Variants in TRAM2 observed in about 807,000 individuals in gnomAD.
The protein encoded by TRAM2 is translocation associated membrane protein 2.
TRAM2 carries 12 observed loss-of-function variants against 51.0 expected under a neutral mutation model. The ratio of observed to expected loss-of-function variants is 0.24; its 90% CI spans 0.15 to 0.38. TRAM2 has a LOEUF of 0.38. Among genes scored for constraint, TRAM2 ranks in the 10% least tolerant of loss-of-function variants. The pLI is 1.00. For synonymous variants in TRAM2, 175 were observed against 179.4 expected (o/e 0.98, Z 0.20); for missense variants, 361 against 462.0 (o/e 0.78, Z 2.00).
rs1272899305 is a variant in TRAM2 at position 52,498,350 on chromosome 6, C to T, written c.*4847G>A. The T allele has an allele frequency of 4.6e-5, 7 of 152,434 alleles. No homozygotes were observed. The highest frequency in any genetic ancestry group is 1.2e-4 in the African/African-American group (5 of 41,354). The allele number at this position is 152,434 out of a possible 1,614,324, so 9.4% of individuals were successfully genotyped here. ...ACAAGGTAACACTGAATTAGGAGCT[C>T]GAACAGTTCTGCAACAGTCAGACAT... On this transcript the variant is annotated 3_prime_UTR_variant, in exon 11 of 11. Coordinates refer to ENST00000182527, the MANE Select transcript of TRAM2 (RefSeq NM_012288.4).
intron 5 of TRAM2, among the ~76,000 whole-genome samples, chr6:52,508,823 C>G (rs1468874943): frequency 6.6e-6 from 1 of 152,146 alleles, no homozygotes; most frequent in African/African-American, 2.4e-5. Context: ...CACCTGAAGT[C>G]AGGAGTTTGA....
intron 2 of TRAM2, among the ~76,000 whole-genome samples, chr6:52,535,508 C>A (rs1766963676): frequency 6.6e-6 from 1 of 152,040 alleles, no homozygotes; most frequent in South Asian, 2.1e-4. Context: ...TGGTGAAATT[C>A]CTTCACTACT....
chr6:52,529,409 G>A (rs1040397866), intron 2 of TRAM2: 3 of 133,906 alleles, frequency 2.2e-5, no homozygotes, highest in African/African-American at 8.7e-5. Flanking sequence ...AAAGCCTAGA[G>A]ATTTTCGCCC....
chr6:52,543,249 T>C (rs2114092180), intron 1 of TRAM2, among the ~76,000 whole-genome samples: 1 of 152,340 alleles, frequency 6.6e-6, no homozygotes, highest in Non-Finnish European at 1.5e-5. Flanking sequence ...CACACCCACC[T>C]GCCCCCACCA....
intron 3 of TRAM2, 189 bp from the exon 4 acceptor site, chr6:52,516,311 A>G: frequency 1.6e-6 from 1 of 612,530 alleles, no homozygotes; most frequent in South Asian, 2.0e-5. Context: ...GCATTTTGAG[A>G]AAGTGGCAAG....
intron 4 of TRAM2, among the ~76,000 whole-genome samples, chr6:52,515,728 T>C (rs1766535425): frequency 6.6e-6 from 1 of 152,246 alleles, no homozygotes; most frequent in Admixed American, 6.5e-5. Context: ...AGATACATGG[T>C]ATCATTACTG....
chr6:52,518,817 G>A (rs988395782), intron 2 of TRAM2, among the ~76,000 whole-genome samples: 2 of 152,152 alleles, frequency 1.3e-5, no homozygotes, highest in African/African-American at 2.4e-5. Context: ...TTAGGTGGCC[G>A]CATATTTTGA....
At chr6:52,520,039 T>G (rs1420878706) in intron 2 of TRAM2, among the ~76,000 whole-genome samples, 1 of 152,214 alleles carries the variant, frequency 6.6e-6, no homozygotes, top group African/African-American at 2.4e-5. Context: ...GGGTTTGTTT[T>G]GCAAGATGAA....
chr6:52,535,728 C>G (rs1301358720), intron 2 of TRAM2, 55 bp downstream of exon 2: 1 of 1,504,270 alleles, frequency 6.6e-7, no homozygotes, highest in Non-Finnish European at 9.1e-7. Context: ...AGGAAGCTTT[C>G]CAGGTCCTTC....
At chr6:52,560,441 AT>A (rs539227018) in intron 1 of TRAM2, among the ~76,000 whole-genome samples, 1 of 151,912 alleles carries the variant, frequency 6.6e-6, no homozygotes, top group African/African-American at 2.4e-5. Context: ...TTTGTAATCT[AT>A]TTTTTTTGTC....
At chr6:52,531,009 G>C (rs1401679549) in intron 2 of TRAM2, among the ~76,000 whole-genome samples, 1 of 148,792 alleles carries the variant, frequency 6.7e-6, no homozygotes, top group African/African-American at 2.5e-5. Flanking sequence ...GGACCCCCTT[G>C]TATGAAAACA....
chr6:52,512,984 G>A (rs1457836132), intron 4 of TRAM2, among the ~76,000 whole-genome samples: 1 of 152,170 alleles, frequency 6.6e-6, no homozygotes, highest in Admixed American at 6.5e-5. Context: ...AATATAGCAA[G>A]GAAGTCAGAC....
chr6:52,529,113 G>A (rs13212713), intron 2 of TRAM2, among the ~76,000 whole-genome samples: 32,687 of 151,892 alleles, frequency 0.22, 3,686 homozygotes, highest in Non-Finnish European at 0.26. Flanking sequence ...GGATGGTCTC[G>A]ATCTCCTGAC....
At chr6:52,534,891 G>A (rs757341673) in intron 2 of TRAM2, among the ~76,000 whole-genome samples, 5 of 152,166 alleles carry the variant, frequency 3.3e-5, no homozygotes, top group Non-Finnish European at 7.3e-5. Flanking sequence ...CTGTGAGGCC[G>A]CTCTGGTACC....
intron 9 of TRAM2, among the ~76,000 whole-genome samples, chr6:52,505,239 A>C (rs1223185102): frequency 1.3e-5 from 2 of 152,246 alleles, no homozygotes; most frequent in African/African-American, 4.8e-5. Flanking sequence ...TCACTGCCAC[A>C]GGAGGCCACT....
chr6:52,499,007 C>T lies in TRAM2; in HGVS notation c.*4190G>A, dbSNP rs1303223771. The T allele has an allele frequency of 1.3e-5, 2 of 152,404 alleles. No individual in the cohort carries two copies. Among genetic ancestry groups the T allele is most frequent in the Admixed American group, 6.6e-5 (1 of 15,262 alleles). The allele number at this position is 152,404 out of a possible 1,614,324, so 9.4% of individuals were successfully genotyped here. On this transcript the variant is annotated 3_prime_UTR_variant, in exon 11 of 11. Transcript: ENST00000182527. The stretch of plus-strand genomic sequence containing the variant: ...GCTCGTCTTTATAGCTCTGCCACTC[C>T]AGGGAACTCCATAAAAGAATGAGGC...
chr6:52,549,725 GT>G (rs1178847292), intron 1 of TRAM2, among the ~76,000 whole-genome samples: 4 of 152,192 alleles, frequency 2.6e-5, no homozygotes, highest in African/African-American at 9.7e-5. Context: ...AAGGAAATGG[GT>G]TTAAGTGGTG....
chr6:52,504,874 T>C (rs1377840990), intron 9 of TRAM2, 120 bp from the exon 10 acceptor site: 1 of 842,630 alleles, frequency 1.2e-6, no homozygotes, highest in Non-Finnish European at 1.8e-6. Context: ...CACGTCCGCC[T>C]TCACCACTGG....
chr6:52,527,002 T>A (rs889631339), intron 2 of TRAM2, among the ~76,000 whole-genome samples: 5 of 152,034 alleles, frequency 3.3e-5, no homozygotes, highest in South Asian at 2.1e-4. Flanking sequence ...GCTTTTTTTT[T>A]AAACTTACAG....
Sources: allele counts gnomAD v4.1 joint callset (sites outside exome capture counted in the v4.1 genomes callset), GRCh38; gene constraint gnomAD v4.1.1; transcripts MANE v1.5; gene names NCBI Gene and HGNC (gene_info 2026-07-23, HGNC 2026-07-21).